RMND1: variants seen among roughly 807,000 people sequenced by gnomAD.
RMND1 encodes the protein required for meiotic nuclear division 1 homolog.
RMND1 carries 41 observed loss-of-function variants against 54.0 expected under a neutral mutation model. The ratio of observed to expected loss-of-function variants is 0.76; its 90% confidence interval spans 0.59 to 0.98. The LOEUF (loss-of-function observed/expected upper bound fraction) is 0.98. RMND1 is among the 50% of genes least tolerant of loss of function. RMND1 has a pLI of 0.00. For missense variants in RMND1, 457 were observed against 532.0 expected (o/e 0.86, Z 1.39); for synonymous variants, 183 against 181.7 (o/e 1.01, Z -0.06).
chr6:151,434,845 T>C lies in RMND1; in HGVS notation c.613+1601A>G, dbSNP rs114809536. Among the ~76,000 whole-genome samples, 1,225 of 152,304 alleles carry C rather than the reference T, an allele frequency of 8.0e-3. 16 individuals are homozygous for C. Among genetic ancestry groups the C allele is most frequent in the African/African-American group, 0.025 (1,033 of 41,558 alleles). ...TCACTGTAAAAGTTTATCAAAATGT[T>C]CTAAGTAACTTATTTATTTTTGAGA... On this transcript the variant is annotated intron_variant, in intron 3 of 11. Coordinates refer to ENST00000444024, the MANE Select transcript of RMND1 (RefSeq NM_017909.4).
chr6:151,435,717 G>A (rs1780583340), intron 3 of RMND1, among the ~76,000 whole-genome samples: 1 of 151,426 alleles, frequency 6.6e-6, no homozygotes, highest in African/African-American at 2.4e-5. Context: ...ACTGCACCCG[G>A]CTAACTAATT....
intron 10 of RMND1, among the ~76,000 whole-genome samples, chr6:151,406,351 C>CTT (rs34311470): frequency 6.7e-6 from 1 of 149,588 alleles, no homozygotes; most frequent in Non-Finnish European, 1.5e-5. Flanking sequence ...GATGTGACAA[C>CTT]TTTTTTTTTT....
intron 10 of RMND1, among the ~76,000 whole-genome samples, chr6:151,407,973 G>T (rs1779686626): frequency 6.6e-6 from 1 of 152,090 alleles, no homozygotes; most frequent in Non-Finnish European, 1.5e-5. Context: ...ATAGAGGCAT[G>T]TACGCGTCGA....
chr6:151,429,995 A>G (rs1376032396), intron 5 of RMND1, 143 bp downstream of exon 5: 9 of 589,252 alleles, frequency 1.5e-5, no homozygotes, highest in Middle Eastern at 4.7e-4. Context: ...TGGAAGATGA[A>G]ACTGATAAGT....
intron 8 of RMND1, 95 bp from the exon 9 acceptor site, chr6:151,421,416 T>G (rs1780147979): frequency 1.3e-6 from 1 of 741,912 alleles, no homozygotes; most frequent in South Asian, 1.8e-5. Flanking sequence ...TGGCATAATT[T>G]GGATCCTATG....
chr6:151,443,920 A>G (rs1321958723), intron 2 of RMND1, among the ~76,000 whole-genome samples: 2 of 152,262 alleles, frequency 1.3e-5, no homozygotes, highest in Non-Finnish European at 2.9e-5. Context: ...CAGGTACTTC[A>G]TAACATTTCT....
At chr6:151,443,318 T>C (rs954243818) in intron 2 of RMND1, among the ~76,000 whole-genome samples, 3 of 152,128 alleles carry the variant, frequency 2.0e-5, no homozygotes, top group African/African-American at 7.2e-5. Context: ...CATGATTTTC[T>C]TCTCTTTTTT....
chr6:151,416,245 G>A (rs1780002621), intron 10 of RMND1, among the ~76,000 whole-genome samples: 1 of 152,062 alleles, frequency 6.6e-6, no homozygotes, highest in Non-Finnish European at 1.5e-5. Context: ...CTCACAAAGT[G>A]CTGGGGTTAC....
In RMND1 at chr6:151,436,484, G is replaced by A. The variant is rs1054083845; in HGVS notation, c.575C>T (p.Ala192Val). 1 of 1,613,820 alleles carries A rather than the reference G, an allele frequency of 6.2e-7. No homozygotes were observed. The highest frequency in any genetic ancestry group is 8.5e-7 in the Non-Finnish European group (1 of 1,179,852). The change falls in exon 3 of 12, where the codon GCC becomes GTC. Residue 192 changes from alanine to valine, a missense_variant. Transcript: ENST00000444024. ...TGTTACTTCAACATATCCGTGGGAG[G>A]CCAGATCTTGAGACAGATTTCCCAG... Reference protein sequence around the residue: ...YHLGNLSQDLASHGYVEVTSL... With the variant: ...YHLGNLSQDLVSHGYVEVTSL...
chr6:151,445,853 G>A lies in RMND1; in HGVS notation c.-14-28C>T, dbSNP rs755036142. On this transcript the variant is annotated intron_variant, in intron 1 of 11. Coordinates refer to ENST00000444024, the MANE Select transcript of RMND1 (RefSeq NM_017909.4). ...AAAAGAAAAGGAATTCAAAGTTCAAGTTTTTAAATTAATGTTTAAAACATA... is the reference window on the plus strand; with the variant it reads ...AAAAGAAAAGGAATTCAAAGTTCAAATTTTTAAATTAATGTTTAAAACATA... The A allele has an allele frequency of 1.1e-5, 16 of 1,498,652 alleles. No homozygotes were observed. The African/African-American group carries it at 2.1e-4, about 20-fold the overall frequency. 92.8% of individuals were successfully genotyped at this position (1,498,652 alleles called of 1,614,324 possible). A position where few individuals can be genotyped will look rare whatever the true frequency, so the allele number is the denominator to read the frequency against.
chr6:151,451,198 T>TTAA (rs534447300), intron 1 of RMND1, among the ~76,000 whole-genome samples: 1 of 113,364 alleles, frequency 8.8e-6, no homozygotes, highest in South Asian at 2.7e-4. Context: ...GAATGATCAA[T>TTAA]AAAAAAAAAA....
At chr6:151,405,883 G>A (rs769061915) in intron 10 of RMND1, 47 bp from the exon 11 acceptor site, 8 of 960,174 alleles carry the variant, frequency 8.3e-6, no homozygotes, top group Admixed American at 1.8e-5. Flanking sequence ...AATTTAATAC[G>A]GTCATACACA....
intron 10 of RMND1, chr6:151,411,188 GCCTCAAGCGAT>G (rs1251499240): frequency 1.3e-5 from 2 of 152,148 alleles, no homozygotes; most frequent in Non-Finnish European, 2.9e-5. Flanking sequence ...TGAACTCCTG[GCCTCAAGCGAT>G]CCTCCCACCT....
chr6:151,450,517 C>A (rs1781130084), intron 1 of RMND1, among the ~76,000 whole-genome samples: 1 of 146,090 alleles, frequency 6.8e-6, no homozygotes, highest in Non-Finnish European at 1.5e-5. Context: ...GCCGCCCCGT[C>A]CGGGAGGGAG....
intron 5 of RMND1, among the ~76,000 whole-genome samples, chr6:151,428,626 G>C (rs1413203819): frequency 1.3e-5 from 2 of 152,088 alleles, no homozygotes; most frequent in African/African-American, 2.4e-5. Context: ...CAAACTCCTG[G>C]GTTCGAGCGA....
At chr6:151,446,029 T>G (rs1401117148) in intron 1 of RMND1, 2 of 509,850 alleles carry the variant, frequency 3.9e-6, no homozygotes, top group Non-Finnish European at 6.9e-6. Context: ...GCCTTCTTCC[T>G]GGAAGATTAC....
chr6:151,427,442 C>A (rs1441221531), intron 6 of RMND1, 40 bp downstream of exon 6: 3 of 1,205,020 alleles, frequency 2.5e-6, no homozygotes, highest in South Asian at 1.2e-5. Context: ...CTAATTTATT[C>A]CAAGTGCCCC....
chr6:151,406,946 G>A (rs1779645550), intron 10 of RMND1, among the ~76,000 whole-genome samples: 1 of 152,026 alleles, frequency 6.6e-6, no homozygotes, highest in Non-Finnish European at 1.5e-5. Flanking sequence ...GCGCACTTGA[G>A]CTCAGGAGTT....
At chr6:151,416,368 A>G (rs1286486239) in intron 10 of RMND1, among the ~76,000 whole-genome samples, 1 of 148,998 alleles carries the variant, frequency 6.7e-6, no homozygotes, top group East Asian at 2.0e-4. Flanking sequence ...ACTAATGTCA[A>G]TTTTCTGTTT....
Sources: gnomAD v4.1 joint callset for allele counts (sites outside exome capture counted in the v4.1 genomes callset) on GRCh38, gnomAD v4.1.1 for gene constraint, MANE v1.5 for transcripts, NCBI Gene and HGNC (gene_info 2026-07-23, HGNC 2026-07-21) for gene names.